PAK1IP1: variants seen among roughly 807,000 people sequenced by gnomAD.
PAK1IP1 encodes the protein PAK1 interacting protein 1.
PAK1IP1 carries 24 observed loss-of-function variants against 42.0 expected under a neutral mutation model. That is an observed-to-expected ratio of 0.57 (90% CI 0.41 to 0.80). The LOEUF (loss-of-function observed/expected upper bound fraction) is 0.80, where lower values mean the gene tolerates loss of function less well. Ranked by LOEUF, PAK1IP1 falls within the 30% of genes least tolerant of loss-of-function variation. The pLI is 0.00. For missense variants in PAK1IP1, 411 were observed against 467.9 expected (o/e 0.88, Z 1.12); for synonymous variants, 154 against 156.7 (o/e 0.98, Z 0.13).
chr6:10,705,787 C>A (rs1770184753), intron 7 of PAK1IP1, among the ~76,000 whole-genome samples: 1 of 152,124 alleles, frequency 6.6e-6, no homozygotes, highest in Non-Finnish European at 1.5e-5. Flanking sequence ...GATCCATTTG[C>A]ATGTTCTATG....
At chr6:10,698,381 C>G (rs1769923486) in intron 2 of PAK1IP1, among the ~76,000 whole-genome samples, 1 of 152,204 alleles carries the variant, frequency 6.6e-6, no homozygotes, top group Non-Finnish European at 1.5e-5. Context: ...AAGAGAACAC[C>G]TAGTTTCAAA....
chr6:10,703,114 C>T (rs946024425), intron 4 of PAK1IP1, among the ~76,000 whole-genome samples: 2 of 152,040 alleles, frequency 1.3e-5, no homozygotes, highest in African/African-American at 4.8e-5. Context: ...CAACAAGCTC[C>T]GTTTTCAAAC....
intron 2 of PAK1IP1, among the ~76,000 whole-genome samples, chr6:10,700,747 G>C (rs1233905682): frequency 6.6e-6 from 1 of 152,152 alleles, no homozygotes; most frequent in African/African-American, 2.4e-5. Flanking sequence ...AGTTTAGATT[G>C]GGGGGTGAAT....
At chr6:10,691,368 G>C (rs1272267612), upstream of PAK1IP1, among the ~76,000 whole-genome samples, 1 of 152,108 alleles carries the variant, frequency 6.6e-6, no homozygotes, top group East Asian at 1.9e-4. Flanking sequence ...AAGGAGGTCC[G>C]TGTGAGAGGG....
At chr6:10,692,392 A>C (rs912757951), upstream of PAK1IP1, among the ~76,000 whole-genome samples, 5 of 152,224 alleles carry the variant, frequency 3.3e-5, no homozygotes, top group Non-Finnish European at 7.3e-5. Flanking sequence ...TCTAAATCCT[A>C]AAATAATTTG....
At chr6:10,694,814 G>A (rs2127477180), upstream of PAK1IP1, 1 of 560,732 alleles carries the variant, frequency 1.8e-6, no homozygotes, top group Non-Finnish European at 3.2e-6. Flanking sequence ...ACCTCCCCGC[G>A]CTTAAAGTGT....
At chr6:10,700,297 A>G (rs923694609) in intron 2 of PAK1IP1, among the ~76,000 whole-genome samples, 1 of 152,052 alleles carries the variant, frequency 6.6e-6, no homozygotes. Flanking sequence ...ACCTCAAGTG[A>G]TCCGCCCGCC....
chr6:10,698,927 G>A (rs1392601363), intron 2 of PAK1IP1, among the ~76,000 whole-genome samples: 4 of 152,150 alleles, frequency 2.6e-5, no homozygotes, highest in Admixed American at 6.5e-5. Context: ...AAGGCCAGGC[G>A]CGGTGGCTCG....
At chr6:10,708,912 A>T in intron 8 of PAK1IP1, 41 bp from the exon 9 acceptor site, 1 of 1,513,520 alleles carries the variant, frequency 6.6e-7, no homozygotes, top group South Asian at 1.2e-5. Context: ...AAAAGAAATT[A>T]TTGAAAATGC....
chr6:10,701,898 A>T (rs1452552566), intron 2 of PAK1IP1, among the ~76,000 whole-genome samples: 1 of 152,216 alleles, frequency 6.6e-6, no homozygotes, highest in African/African-American at 2.4e-5. Flanking sequence ...AGATTTGAAC[A>T]ACTGTACTTA....
rs1244893153 is a variant in PAK1IP1, at chr6:10,702,560, T to C, written c.369-5T>C. ...GTTGGGGACTAACTTTTGGTTTCATTATAGAGGACAGGTGACCTTCCTTTC... is the reference window on the plus strand; with the variant it reads ...GTTGGGGACTAACTTTTGGTTTCATCATAGAGGACAGGTGACCTTCCTTTC... On this transcript the variant is annotated splice_polypyrimidine_tract_variant and splice_region_variant and intron_variant, in intron 3 of 9. Coordinates refer to ENST00000379568, the MANE Select transcript of PAK1IP1 (RefSeq NM_017906.3). 1 of 1,614,032 alleles carries C rather than the reference T, an allele frequency of 6.2e-7. No individual in the cohort carries two copies. The highest frequency in any genetic ancestry group is 1.3e-5 in the African/African-American group (1 of 75,056).
At chr6:10,696,421 T>G (rs1769852634) in intron 1 of PAK1IP1, among the ~76,000 whole-genome samples, 1 of 152,172 alleles carries the variant, frequency 6.6e-6, no homozygotes, top group Non-Finnish European at 1.5e-5. Context: ...TTTTTCGGTT[T>G]GTTTTGCAAA....
At chr6:10,707,166 T>A (rs1267745683) in intron 7 of PAK1IP1, among the ~76,000 whole-genome samples, 2 of 152,242 alleles carry the variant, frequency 1.3e-5, no homozygotes, top group African/African-American at 4.8e-5. Context: ...TGATTATTTA[T>A]AGTTATCTGT....
rs190719080 is a variant in PAK1IP1, at chr6:10,705,471, C to T, written c.740+627C>T. 3.5e-3 allele frequency among the ~76,000 whole-genome samples: 534 copies of T among 152,334 alleles called. 3 individuals carry two copies. The highest frequency in any genetic ancestry group is 8.3e-3 in the South Asian group (40 of 4,828). On this transcript the variant is annotated intron_variant, in intron 7 of 9. Coordinates refer to ENST00000379568, the MANE Select transcript of PAK1IP1 (RefSeq NM_017906.3). ...AAACAATCTTGAGCTTTGTTCCCAT[C>T]TACTTTTGTCCTTTTACATAAGTCC...
chr6:10,693,406 C>A (rs1183958051), upstream of PAK1IP1, among the ~76,000 whole-genome samples: 1 of 152,224 alleles, frequency 6.6e-6, no homozygotes, highest in Non-Finnish European at 1.5e-5. Flanking sequence ...ATAACAAGGT[C>A]TTTTCTGCAC....
intron 2 of PAK1IP1, 101 bp downstream of exon 2, chr6:10,697,587 G>A (rs541412118): frequency 2.9e-5 from 27 of 930,994 alleles, no homozygotes; most frequent in Non-Finnish European, 4.1e-5. Context: ...CAGATTCTTT[G>A]CTAGAAGATA....
At chr6:10,703,064 G>A (rs1225579251) in intron 4 of PAK1IP1, among the ~76,000 whole-genome samples, 4 of 152,022 alleles carry the variant, frequency 2.6e-5, no homozygotes, top group East Asian at 3.9e-4. Flanking sequence ...CTCAGCCTCC[G>A]AAAGTGCTGG....
chr6:10,695,106 G>A (rs753916583), intron 1 of PAK1IP1, 37 bp downstream of exon 1: 18 of 1,399,712 alleles, frequency 1.3e-5, no homozygotes, highest in Non-Finnish European at 1.5e-5. Context: ...TCGGAGGCGG[G>A]GCCGGGAAGG....
At chr6:10,697,631 G>A in intron 2 of PAK1IP1, 145 bp downstream of exon 2, 1 of 642,110 alleles carries the variant, frequency 1.6e-6, no homozygotes, top group South Asian at 2.1e-5. Context: ...TTCTTAGCCT[G>A]GCACAATGGC....
Sources: allele counts gnomAD v4.1 joint callset (sites outside exome capture counted in the v4.1 genomes callset), GRCh38; gene constraint gnomAD v4.1.1; transcripts MANE v1.5; gene names NCBI Gene and HGNC (gene_info 2026-07-23, HGNC 2026-07-21).